Variants in NR3C2 observed in about 807,000 individuals in gnomAD.
The protein encoded by NR3C2 is nuclear receptor subfamily 3 group C member 2, also known as mineralocorticoid receptor.
A neutral mutation model predicts 86.4 loss-of-function variants in NR3C2; 15 were observed. The observed-to-expected ratio is 0.17, with a 90% confidence interval of 0.12 to 0.27. NR3C2 has a LOEUF of 0.27. NR3C2 is among the 10% of genes least tolerant of loss of function. The pLI, the probability that NR3C2 is intolerant of heterozygous loss-of-function variation, is 1.00. For missense variants in NR3C2, 960 were observed against 1,195.6 expected (o/e 0.80, Z 2.91); for synonymous variants, 458 against 450.5 (o/e 1.02, Z -0.21).
Position 148,260,181 on chromosome 4 carries a change from C to T in NR3C2, c.1758-64G>A, listed in dbSNP as rs376941934. Reference sequence around the variant, plus strand: ...AAGGCACATTTAACATGCTGCACAGCTTAGCTCAAAATTTGTCAATAATCA... The same window carrying T: ...AAGGCACATTTAACATGCTGCACAGTTTAGCTCAAAATTTGTCAATAATCA... On this transcript the variant is annotated intron_variant, in intron 2 of 8. Coordinates refer to ENST00000358102, the MANE Select transcript of NR3C2 (RefSeq NM_000901.5). 4.4e-6 allele frequency: 7 copies of T among 1,600,052 alleles called. No homozygotes were observed. The East Asian group carries it at 6.8e-5, about 15-fold the overall frequency.
At chr4:148,087,373 T>C (rs886515404) in intron 8 of NR3C2, among the ~76,000 whole-genome samples, 1 of 152,210 alleles carries the variant, frequency 6.6e-6, no homozygotes, top group African/African-American at 2.4e-5. Flanking sequence ...ATTGACTTTC[T>C]TCACAGAATT....
At chr4:148,153,781 G>A (rs1312055854) in intron 5 of NR3C2, among the ~76,000 whole-genome samples, 1 of 152,100 alleles carries the variant, frequency 6.6e-6, no homozygotes, top group African/African-American at 2.4e-5. Context: ...GGTGCTGGGG[G>A]CCAGGTGATT....
chr4:148,436,845 A>G lies in NR3C2; in HGVS notation c.16T>C (p.Tyr6His). The part of the protein sequence containing the change: METKG[Y>H]HSLPEGLDME... ...TCTAGACCTTCAGGGAGACTGTGGT[A>G]GCCTTTGGTCTCCATCGCTAACAAA... Residue 6 changes from tyrosine (Y) to histidine (H), a missense_variant, in exon 2 of 9, where the codon TAC becomes CAC. By Grantham distance (83) the Tyr-to-His change is moderately conservative. Coordinates refer to ENST00000358102, the MANE Select transcript of NR3C2 (RefSeq NM_000901.5). 1 of 1,610,430 alleles carries G rather than the reference A, an allele frequency of 6.2e-7. No homozygotes were observed. The highest frequency in any genetic ancestry group is 2.2e-5 in the East Asian group (1 of 44,888).
intron 6 of NR3C2, among the ~76,000 whole-genome samples, chr4:148,137,920 A>G (rs1733421154): frequency 6.6e-6 from 1 of 152,226 alleles, no homozygotes; most frequent in Non-Finnish European, 1.5e-5. Context: ...CTTTTTCATA[A>G]AAATATTCAT....
chr4:148,181,114 G>C (rs1337558359), intron 4 of NR3C2, among the ~76,000 whole-genome samples: 1 of 152,178 alleles, frequency 6.6e-6, no homozygotes, highest in Non-Finnish European at 1.5e-5. Flanking sequence ...CTGAGATTAA[G>C]GAAAACTACA....
At chr4:148,226,678 G>A (rs1280845900) in intron 3 of NR3C2, among the ~76,000 whole-genome samples, 1 of 152,126 alleles carries the variant, frequency 6.6e-6, no homozygotes, top group African/African-American at 2.4e-5. Flanking sequence ...TAATGTGGTT[G>A]TGCCATTTTA....
chr4:148,159,702 T>C (rs1474320408), intron 4 of NR3C2, among the ~76,000 whole-genome samples: 1 of 152,230 alleles, frequency 6.6e-6, no homozygotes, highest in East Asian at 1.9e-4. Flanking sequence ...TTTATCTAAT[T>C]TGTACAATTT....
intron 7 of NR3C2, among the ~76,000 whole-genome samples, chr4:148,117,373 C>T (rs1421892911): frequency 6.6e-6 from 1 of 152,168 alleles, no homozygotes; most frequent in African/African-American, 2.4e-5. Context: ...GCCTTTTGGA[C>T]ACTCTGCCCT....
chr4:148,432,459 T>C (rs1358283003), intron 2 of NR3C2, among the ~76,000 whole-genome samples: 3 of 152,188 alleles, frequency 2.0e-5, no homozygotes, highest in African/African-American at 7.2e-5. Flanking sequence ...TTGATCTGTG[T>C]TCCATTTTGG....
At chr4:148,190,633 T>C (rs560110941) in intron 4 of NR3C2, among the ~76,000 whole-genome samples, 4 of 152,356 alleles carry the variant, frequency 2.6e-5, no homozygotes, top group Admixed American at 6.5e-5. Flanking sequence ...CAGTGGAGTA[T>C]TGACGTCTCC....
chr4:148,371,440 G>A (rs1229965379), intron 2 of NR3C2, among the ~76,000 whole-genome samples: 1 of 152,070 alleles, frequency 6.6e-6, no homozygotes. Context: ...ACCCCCTTGG[G>A]GTTTGATGAC....
intron 2 of NR3C2, among the ~76,000 whole-genome samples, chr4:148,414,965 G>A (rs571282981): frequency 6.6e-6 from 1 of 152,262 alleles, no homozygotes; most frequent in East Asian, 1.9e-4. Context: ...TTTTAAAACA[G>A]TTTTTCATGA....
intron 2 of NR3C2, among the ~76,000 whole-genome samples, chr4:148,346,168 T>C (rs1029483082): frequency 2.0e-5 from 3 of 152,058 alleles, no homozygotes; most frequent in Non-Finnish European, 4.4e-5. Flanking sequence ...ATGTTTGCAC[T>C]TTATACTAAG....
intron 3 of NR3C2, among the ~76,000 whole-genome samples, chr4:148,214,116 C>T (rs969019710): frequency 2.0e-5 from 3 of 152,170 alleles, no homozygotes; most frequent in African/African-American, 7.2e-5. Context: ...GTGCAAGTTA[C>T]TTTACTTCTT....
chr4:148,433,291 T>C (rs1392210292), intron 2 of NR3C2, among the ~76,000 whole-genome samples: 1 of 152,138 alleles, frequency 6.6e-6, no homozygotes, highest in Non-Finnish European at 1.5e-5. Context: ...CTCAAAGCAA[T>C]AGTTTTCAAA....
chr4:148,410,637 T>C (rs758939907), intron 2 of NR3C2, among the ~76,000 whole-genome samples: 14 of 152,130 alleles, frequency 9.2e-5, no homozygotes, highest in Non-Finnish European at 1.6e-4. Flanking sequence ...CAGGGACCTT[T>C]CACTATAACT....
chr4:148,253,229 C>T (rs1739660110), intron 3 of NR3C2, among the ~76,000 whole-genome samples: 2 of 152,206 alleles, frequency 1.3e-5, no homozygotes, highest in South Asian at 4.1e-4. Context: ...GTTGCCTCTG[C>T]ACTGGTTTGC....
intron 2 of NR3C2, among the ~76,000 whole-genome samples, chr4:148,360,281 G>A (rs1745772559): frequency 6.6e-6 from 1 of 152,110 alleles, no homozygotes; most frequent in Admixed American, 6.5e-5. Context: ...ACATAAGCAT[G>A]CTGTACACAT....
intron 2 of NR3C2, among the ~76,000 whole-genome samples, chr4:148,366,379 T>C (rs1180176694): frequency 6.6e-6 from 1 of 150,412 alleles, no homozygotes; most frequent in Non-Finnish European, 1.5e-5. Flanking sequence ...CATACCAAGG[T>C]ACCCCATGTC....
Sources: allele counts gnomAD v4.1 joint callset (sites outside exome capture counted in the v4.1 genomes callset), GRCh38; gene constraint gnomAD v4.1.1; transcripts MANE v1.5; gene names NCBI Gene and HGNC (gene_info 2026-07-23, HGNC 2026-07-21).